CFAP47: variants seen among roughly 807,000 people sequenced by gnomAD.
CFAP47 encodes the protein cilia and flagella associated protein 47, also known as cilia- and flagella-associated protein 47.
CFAP47 carries 29 observed loss-of-function variants against 148.1 expected under a neutral mutation model. That is an observed-to-expected ratio of 0.20 (90% CI 0.15 to 0.27). The LOEUF (loss-of-function observed/expected upper bound fraction) is 0.27, where lower values mean the gene tolerates loss of function less well. CFAP47 is among the 10% of genes least tolerant of loss of function. The pLI is 1.00. For synonymous variants in CFAP47, 664 were observed against 577.3 expected, an observed-to-expected ratio of 1.15 and a Z score of -2.15; for missense variants, 1,872 against 1,697.5, an observed-to-expected ratio of 1.10 and a Z score of -1.81.
intron 56 of CFAP47, among the ~76,000 whole-genome samples, chrX:36,317,556 C>T (rs1441146421): frequency 1.0e-4 from 11 of 107,115 alleles, no homozygotes; most frequent in Non-Finnish European, 1.5e-4. Flanking sequence ...ACTACAGGCG[C>T]CCACCACCAC....
At chrX:36,358,819 G>A (rs1265384005) in intron 60 of CFAP47, among the ~76,000 whole-genome samples, 4 of 111,421 alleles carry the variant, frequency 3.6e-5, no homozygotes, top group Non-Finnish European at 7.5e-5. Context: ...GCTTTGATGA[G>A]TAGAAGGAGT....
chrX:36,133,981 A>G (rs1010173402), intron 33 of CFAP47, among the ~76,000 whole-genome samples: 2 of 110,691 alleles, frequency 1.8e-5, no homozygotes, highest in Non-Finnish European at 3.8e-5. Flanking sequence ...TATGATCACT[A>G]TACAATTAAA....
chrX:36,127,956 T>C (rs150104883), intron 33 of CFAP47, among the ~76,000 whole-genome samples: 1,300 of 111,242 alleles, frequency 0.012, 21 homozygotes, highest in African/African-American at 0.041. Flanking sequence ...ATCCTGAGAC[T>C]TTGCTGAATT....
At position 36,258,181 on chromosome X, in the gene CFAP47, A is replaced by G. The variant is rs190470111; in HGVS notation, c.7444+6737A>G. 5.1e-3 allele frequency among the ~76,000 whole-genome samples: 573 copies of G among 112,231 alleles called. 1 individual carries two copies. The highest frequency in any genetic ancestry group is 0.018 in the African/African-American group (549 of 30,910). On this transcript the variant is annotated intron_variant, in intron 49 of 63. Coordinates refer to ENST00000378653, the MANE Select transcript of CFAP47 (RefSeq NM_001304548.2). Reference sequence around the variant, plus strand: ...TTGGAACTTGCTACACTGGAATGGGATCTTTTTATGACACTGGCATAAGAA... The same window carrying G: ...TTGGAACTTGCTACACTGGAATGGGGTCTTTTTATGACACTGGCATAAGAA...
chrX:36,018,994 T>A (rs1937128163), intron 22 of CFAP47, among the ~76,000 whole-genome samples: 1 of 111,700 alleles, frequency 9.0e-6, no homozygotes, highest in Non-Finnish European at 1.9e-5. Context: ...AGGAGACTTT[T>A]TATTATGTCT....
chrX:36,063,878 C>T (rs1387113125), intron 26 of CFAP47, among the ~76,000 whole-genome samples: 2 of 111,856 alleles, frequency 1.8e-5, no homozygotes, highest in African/African-American at 6.5e-5. Context: ...GTAGGTTTCT[C>T]CAGAACTGAA....
chrX:36,207,922 A>G (rs782158157), intron 45 of CFAP47, among the ~76,000 whole-genome samples: 13 of 111,924 alleles, frequency 1.2e-4, no homozygotes, highest in Non-Finnish European at 2.4e-4. Context: ...AAGCACTCAA[A>G]CAAAATGCTC....
chrX:36,088,044 A>C (rs1049204900), intron 30 of CFAP47, among the ~76,000 whole-genome samples: 1 of 111,006 alleles, frequency 9.0e-6, no homozygotes, highest in African/African-American at 3.3e-5. Context: ...TGTGTATTCA[A>C]ATTTCATCTT....
chrX:36,011,755 C>T (rs1300836500), intron 21 of CFAP47, among the ~76,000 whole-genome samples: 1 of 111,813 alleles, frequency 8.9e-6, no homozygotes, highest in African/African-American at 3.3e-5. Flanking sequence ...GGTATTAGAA[C>T]TTTGTCAGAT....
At chrX:36,169,868 G>A (rs1276558757) in intron 39 of CFAP47, among the ~76,000 whole-genome samples, 2 of 111,764 alleles carry the variant, frequency 1.8e-5, no homozygotes, top group Non-Finnish European at 3.8e-5. Flanking sequence ...TGTGGTAGGT[G>A]TTCTCCCTTA....
chrX:36,038,313 C>G lies in CFAP47; in HGVS notation c.3812-671C>G, dbSNP rs963328872. Among the ~76,000 whole-genome samples, 8 of 112,022 alleles carry G rather than the reference C, an allele frequency of 7.1e-5. No individual in the cohort carries two copies. In the Admixed American group the frequency reaches 7.6e-4, roughly 11 times the overall value. On this transcript the variant is annotated intron_variant, in intron 24 of 63. Transcript: ENST00000378653. ...CAATCACTGGGTCACTCTTTTCTCTCTATCACACACTATTCTTGGAGATTT... is the reference window on the plus strand; with the variant it reads ...CAATCACTGGGTCACTCTTTTCTCTGTATCACACACTATTCTTGGAGATTT...
chrX:35,944,094 C>T (rs1936051215), intron 3 of CFAP47, among the ~76,000 whole-genome samples: 1 of 110,975 alleles, frequency 9.0e-6, no homozygotes, highest in Non-Finnish European at 1.9e-5. Flanking sequence ...CTCTTAAGGC[C>T]CACTCTGCCT....
chrX:36,178,479 T>G (rs746501623), intron 39 of CFAP47, among the ~76,000 whole-genome samples: 1 of 111,897 alleles, frequency 8.9e-6, no homozygotes, highest in South Asian at 3.7e-4. Flanking sequence ...TTTGTGGGTG[T>G]GTGTGTGTGT....
intron 22 of CFAP47, among the ~76,000 whole-genome samples, chrX:36,019,094 G>C (rs184022387): frequency 9.0e-6 from 1 of 111,171 alleles, no homozygotes; most frequent in South Asian, 3.8e-4. Context: ...CACCAGTTGT[G>C]GGGGGGTCTG....
chrX:35,935,221 G>C (rs7056380), intron 2 of CFAP47, among the ~76,000 whole-genome samples: 20,887 of 111,549 alleles, frequency 0.19, 1,593 homozygotes, highest in African/African-American at 0.28. Flanking sequence ...TGGTGGCAAG[G>C]CTTGCTAGAA....
intron 35 of CFAP47, among the ~76,000 whole-genome samples, chrX:36,141,011 G>A (rs1425536966): frequency 9.1e-6 from 1 of 109,615 alleles, no homozygotes; most frequent in Non-Finnish European, 1.9e-5. Context: ...AATTTAATGA[G>A]TAGTGATTGG....
chrX:36,079,192 C>T (rs1937925115), intron 29 of CFAP47, among the ~76,000 whole-genome samples: 1 of 111,058 alleles, frequency 9.0e-6, no homozygotes, highest in African/African-American at 3.3e-5. Context: ...TTGTGGTGTT[C>T]TCTGTATTTC....
At chrX:36,330,303 T>C (rs1459730875) in intron 57 of CFAP47, among the ~76,000 whole-genome samples, 1 of 112,113 alleles carries the variant, frequency 8.9e-6, no homozygotes, top group Non-Finnish European at 1.9e-5. Context: ...TTTATATTTT[T>C]GCTCATGGAT....
At chrX:36,349,926 A>T in intron 58 of CFAP47, 112 bp from the exon 59 acceptor site, 1 of 410,337 alleles carries the variant, frequency 2.4e-6, no homozygotes, top group Non-Finnish European at 4.1e-6. Flanking sequence ...TCTCTACCAA[A>T]GTCTGAATTT....
Sources: gnomAD v4.1 joint callset for allele counts (sites outside exome capture counted in the v4.1 genomes callset) on GRCh38, gnomAD v4.1.1 for gene constraint, MANE v1.5 for transcripts, NCBI Gene and HGNC (gene_info 2026-07-23, HGNC 2026-07-21) for gene names.